Variants in MAP3K5 observed in about 807,000 individuals in gnomAD.
MAP3K5 encodes the protein ASK-1.
A neutral mutation model predicts 158.7 loss-of-function variants in MAP3K5; 56 were observed. The observed-to-expected ratio is 0.35, with a 90% CI of 0.28 to 0.44. The LOEUF is 0.44. Among genes scored for constraint, MAP3K5 ranks in the 20% least tolerant of loss-of-function variants. The pLI, the probability that MAP3K5 is intolerant of heterozygous loss-of-function variation, is 1.00. For missense variants in MAP3K5, 1,294 were observed against 1,674.8 expected (o/e 0.77, Z 3.97); for synonymous variants, 579 against 601.7 (o/e 0.96, Z 0.55).
At chr6:136,707,557 T>TGG (rs71547040) in intron 2 of MAP3K5, among the ~76,000 whole-genome samples, 4 of 143,198 alleles carry the variant, frequency 2.8e-5, no homozygotes, top group African/African-American at 7.5e-5. Context: ...AAGAGGTACT[T>TGG]GGGGGGGGGG....
At chr6:136,762,855 T>C (rs947662866) in intron 1 of MAP3K5, among the ~76,000 whole-genome samples, 1 of 152,212 alleles carries the variant, frequency 6.6e-6, no homozygotes, top group Non-Finnish European at 1.5e-5. Context: ...TTGTACTCTC[T>C]GTGAATCCAC....
rs147737928 is a variant in MAP3K5, at chr6:136,697,368, T to G, written c.826A>C (p.Ile276Leu). Residue 276 changes from isoleucine to leucine, a missense_variant, in exon 5 of 30, where the codon ATA (isoleucine) becomes CTA (leucine). Transcript: ENST00000359015. ...CGAGCTTTCCTGATGTCATTGAGTA[T>G]AGATTCCCGGAAGTACTGGCTGGTA... Reference protein sequence around the residue: ...ASSSQYFRESILNDIRKARNL... With the variant: ...ASSSQYFRESLLNDIRKARNL... 1 of 1,610,332 alleles carries G rather than the reference T, an allele frequency of 6.2e-7. No individual in the cohort carries two copies. Among genetic ancestry groups the G allele is most frequent in the Non-Finnish European group, 8.5e-7 (1 of 1,177,850 alleles).
chr6:136,582,295 TG>T (rs1774925732), intron 24 of MAP3K5, among the ~76,000 whole-genome samples: 1 of 151,200 alleles, frequency 6.6e-6, no homozygotes, highest in African/African-American at 2.4e-5. Flanking sequence ...TGTGTGTGTG[TG>T]TGTGTGTGTG....
intron 1 of MAP3K5, among the ~76,000 whole-genome samples, chr6:136,761,403 G>C (rs1266628521): frequency 6.6e-6 from 1 of 152,074 alleles, no homozygotes; most frequent in African/African-American, 2.4e-5. Flanking sequence ...TGTCTGGGCA[G>C]GGCTGTGTGG....
At chr6:136,601,076 C>T in intron 20 of MAP3K5, 34 bp from the exon 21 acceptor site, 1 of 1,611,872 alleles carries the variant, frequency 6.2e-7, no homozygotes. Flanking sequence ...CATGAATAAG[C>T]ACGTGCTGGG....
At chr6:136,604,415 T>A (rs141661549) in intron 19 of MAP3K5, among the ~76,000 whole-genome samples, 54 of 150,252 alleles carry the variant, frequency 3.6e-4, no homozygotes, top group African/African-American at 1.2e-3. Flanking sequence ...GCACAAAAAA[T>A]AAATAAATAA....
chr6:136,790,268 A>C (rs918069186), intron 1 of MAP3K5, among the ~76,000 whole-genome samples: 7 of 151,970 alleles, frequency 4.6e-5, no homozygotes, highest in African/African-American at 1.7e-4. Context: ...AGAGTTTAAC[A>C]TTTTTTTTCT....
At chr6:136,722,614 CA>C (rs1445682945) in intron 1 of MAP3K5, among the ~76,000 whole-genome samples, 1 of 149,860 alleles carries the variant, frequency 6.7e-6, no homozygotes, top group Non-Finnish European at 1.5e-5. Flanking sequence ...AATGAAAATG[CA>C]GAGAAATGAC....
At chr6:136,743,128 C>T (rs1782781382) in intron 1 of MAP3K5, among the ~76,000 whole-genome samples, 1 of 151,698 alleles carries the variant, frequency 6.6e-6, no homozygotes, top group African/African-American at 2.4e-5. Context: ...TGCTCAACAT[C>T]ATCTGTCATC....
At chr6:136,655,931 TCAC>T (rs1459286265) in intron 10 of MAP3K5, among the ~76,000 whole-genome samples, 2 of 152,096 alleles carry the variant, frequency 1.3e-5, no homozygotes, top group Non-Finnish European at 2.9e-5. Context: ...CTGATACTTT[TCAC>T]CACAATACGG....
intron 8 of MAP3K5, among the ~76,000 whole-genome samples, chr6:136,667,540 G>A (rs1055859619): frequency 2.0e-5 from 3 of 152,092 alleles, no homozygotes; most frequent in African/African-American, 7.2e-5. Flanking sequence ...AGCCGTGATC[G>A]TGCCAGTGCA....
At chr6:136,590,622 G>C (rs1477960783) in intron 23 of MAP3K5, among the ~76,000 whole-genome samples, 1 of 151,274 alleles carries the variant, frequency 6.6e-6, no homozygotes, top group Non-Finnish European at 1.5e-5. Flanking sequence ...CTCACTGCAA[G>C]CTCCGCCTCC....
At chr6:136,596,873 G>A (rs1259448612) in intron 21 of MAP3K5, among the ~76,000 whole-genome samples, 1 of 152,202 alleles carries the variant, frequency 6.6e-6, no homozygotes, top group Non-Finnish European at 1.5e-5. Context: ...AAGCTCAAGT[G>A]TAACTATTTC....
chr6:136,733,760 G>A (rs909458016), intron 1 of MAP3K5, among the ~76,000 whole-genome samples: 4 of 137,146 alleles, frequency 2.9e-5, no homozygotes, highest in African/African-American at 1.5e-4. Flanking sequence ...CACCAGAGTG[G>A]TACATTTTTT....
chr6:136,683,596 T>C (rs772525515), intron 7 of MAP3K5, among the ~76,000 whole-genome samples: 15 of 152,236 alleles, frequency 9.9e-5, no homozygotes, highest in Non-Finnish European at 1.9e-4. Flanking sequence ...GTTCTGCTAC[T>C]TGCAATATGC....
chr6:136,606,274 C>G (rs1324466611), intron 18 of MAP3K5, among the ~76,000 whole-genome samples: 2 of 152,192 alleles, frequency 1.3e-5, no homozygotes, highest in South Asian at 4.2e-4. Context: ...TCAGTTGAAC[C>G]CAGGAGGCGG....
chr6:136,757,199 G>A (rs1243380273), intron 1 of MAP3K5, among the ~76,000 whole-genome samples: 1 of 152,194 alleles, frequency 6.6e-6, no homozygotes, highest in Non-Finnish European at 1.5e-5. Flanking sequence ...CAATAATCAA[G>A]AGATGCTTTG....
intron 2 of MAP3K5, among the ~76,000 whole-genome samples, chr6:136,712,384 G>A (rs1781346185): frequency 6.6e-6 from 1 of 151,934 alleles, no homozygotes; most frequent in South Asian, 2.1e-4. Flanking sequence ...ATGCTGACCA[G>A]GCTGGTCTTG....
chr6:136,765,867 T>C (rs1305440343), intron 1 of MAP3K5, among the ~76,000 whole-genome samples: 2 of 152,054 alleles, frequency 1.3e-5, no homozygotes, highest in African/African-American at 4.8e-5. Flanking sequence ...ATGAGAAAAC[T>C]AAGGCTTAGA....
Sources: allele counts gnomAD v4.1 joint callset (sites outside exome capture counted in the v4.1 genomes callset), GRCh38; gene constraint gnomAD v4.1.1; transcripts MANE v1.5; gene names NCBI Gene and HGNC (gene_info 2026-07-23, HGNC 2026-07-21).